The following POGK variants were observed in gnomAD, a reference collection of about 807,000 sequenced individuals.
POGK encodes pogo transposable element derived with KRAB domain.
A neutral mutation model predicts 54.4 loss-of-function variants in POGK; 16 were observed. The ratio of observed to expected loss-of-function variants is 0.29; its 90% CI spans 0.20 to 0.45. The LOEUF (loss-of-function observed/expected upper bound fraction) is 0.45, where lower values mean the gene tolerates loss of function less well. Ranked by LOEUF, POGK falls within the 20% of genes least tolerant of loss-of-function variation. The pLI is 1.00. For synonymous variants in POGK, 271 were observed against 302.2 expected (o/e 0.90, Z 1.07); for missense variants, 515 against 795.6 (o/e 0.65, Z 4.24).
chr1:166,854,771 A>C lies in POGK; in HGVS notation c.*2201A>C, dbSNP rs1244759337. On this transcript the variant is annotated 3_prime_UTR_variant, in exon 6 of 6. Transcript: ENST00000367876. Reference sequence around the variant, plus strand: ...AATCCCATAAAGGGATCTGAATTTTAAATGAAAGTATGATGAACCCGCAAG... The same window carrying C: ...AATCCCATAAAGGGATCTGAATTTTCAATGAAAGTATGATGAACCCGCAAG... 1 of 152,256 alleles carries C rather than the reference A, an allele frequency of 6.6e-6. No homozygotes were observed. Among genetic ancestry groups the C allele is most frequent in the African/African-American group, 2.4e-5 (1 of 41,464 alleles). The allele number at this position is 152,256 out of a possible 1,614,324, so 9.4% of individuals were successfully genotyped here. A position where few individuals can be genotyped will look rare whatever the true frequency, so the allele number is the denominator to read the frequency against.
Position 166,856,006 on chromosome 1 carries a change from TAAG to T in POGK, c.*3440_*3442del, listed in dbSNP as rs1658261013. 6.6e-6 allele frequency: 1 copy of T among 152,190 alleles called. No individual in the cohort carries two copies. The highest frequency in any genetic ancestry group is 2.1e-4 in the South Asian group (1 of 4,822). The allele number at this position is 152,190 out of a possible 1,614,324, so 9.4% of individuals were successfully genotyped here. ...TGAAACTAAGCTATTGATTTTTTTTTAAGAAGTCTTAATCTATACATAAGAAAT... is the reference window on the plus strand; with the variant it reads ...TGAAACTAAGCTATTGATTTTTTTTTAAGTCTTAATCTATACATAAGAAAT... On this transcript the variant is annotated 3_prime_UTR_variant, in exon 6 of 6. Transcript: ENST00000367876.
rs955342356 is a variant in POGK, at chr1:166,855,748, A to G, written c.*3178A>G. 1.3e-5 allele frequency: 2 copies of G among 152,242 alleles called. No homozygotes were observed. The highest frequency in any genetic ancestry group is 4.8e-5 in the African/African-American group (2 of 41,454). The allele number at this position is 152,242 out of a possible 1,614,324, so 9.4% of individuals were successfully genotyped here. ...CTCTGTGCTGTATGTACAGCCATAC[A>G]GCCTATGGAACCTGACATTGCAGTG... On this transcript the variant is annotated 3_prime_UTR_variant, in exon 6 of 6. Coordinates refer to ENST00000367876, the MANE Select transcript of POGK (RefSeq NM_017542.5).
chr1:166,842,357 T>A (rs1190878569), intron 2 of POGK, among the ~76,000 whole-genome samples: 1 of 152,190 alleles, frequency 6.6e-6, no homozygotes, highest in Non-Finnish European at 1.5e-5. Flanking sequence ...CAGCAGCTGG[T>A]GGTGCTGGGG....
intron 5 of POGK, chr1:166,850,961 C>A (rs41269684): frequency 0.039 from 5,982 of 152,390 alleles, 152 homozygotes; most frequent in African/African-American, 0.041. Flanking sequence ...GTCTATTTTG[C>A]TCTGTGGCTT....
chr1:166,853,522 G>A lies in POGK; in HGVS notation c.*952G>A, dbSNP rs1658156590. The A allele has an allele frequency of 6.6e-6, 1 of 152,592 alleles. No individual in the cohort carries two copies. The highest frequency in any genetic ancestry group is 1.5e-5 in the Non-Finnish European group (1 of 68,016). The allele number at this position is 152,592 out of a possible 1,614,324, so 9.5% of individuals were successfully genotyped here. On this transcript the variant is annotated 3_prime_UTR_variant, in exon 6 of 6. Transcript: ENST00000367876. ...AGGGCTTGGGCTTTTAGCCACAGCT[G>A]TTTTAAGACTTCTGATCTCCTGCCC...
At chr1:166,847,793 A>G (rs531908332) in intron 4 of POGK, among the ~76,000 whole-genome samples, 9 of 152,328 alleles carry the variant, frequency 5.9e-5, no homozygotes, top group African/African-American at 1.2e-4. Context: ...TTCTTCCTCT[A>G]TCAGCTCTGA....
At chr1:166,846,970 C>T (rs1657874692) in intron 3 of POGK, among the ~76,000 whole-genome samples, 1 of 152,208 alleles carries the variant, frequency 6.6e-6, no homozygotes, top group South Asian at 2.1e-4. Flanking sequence ...CAGGCATTCA[C>T]ATTTAAGGAT....
chr1:166,842,521 G>C (rs1469591609), intron 2 of POGK, among the ~76,000 whole-genome samples: 1 of 152,252 alleles, frequency 6.6e-6, no homozygotes, highest in Non-Finnish European at 1.5e-5. Context: ...ACAGTGTGCA[G>C]AGTGCAGTGG....
chr1:166,846,756 T>C lies in POGK; in HGVS notation c.259+18T>C, dbSNP rs1308931514. On this transcript the variant is annotated intron_variant, in intron 3 of 5. Coordinates refer to ENST00000367876, the MANE Select transcript of POGK (RefSeq NM_017542.5). ...GTCCCTGGGTAAAGCTGTGTTTTCC[T>C]TTGTCTCCTGGAAGCTCTGAGCCCA... is the stretch of plus-strand genomic sequence containing the variant. The C allele has an allele frequency of 1.9e-6, 3 of 1,613,674 alleles. No homozygotes were observed. In the South Asian group the frequency reaches 3.3e-5, roughly 18 times the overall value.
At chr1:166,840,919 AC>A (rs778993745) in intron 1 of POGK, 35 bp from the exon 2 acceptor site, 222 of 1,611,890 alleles carry the variant, frequency 1.4e-4, no homozygotes, top group Non-Finnish European at 1.8e-4. Context: ...GGTCACAGTG[AC>A]ACCTGGTTTT....
intron 5 of POGK, chr1:166,851,712 A>G (rs1469874347): frequency 6.6e-6 from 1 of 152,220 alleles, no homozygotes; most frequent in Non-Finnish European, 1.5e-5. Context: ...CATCTCCCTA[A>G]TTATAAATTA....
At chr1:166,848,467 C>T (rs1473475137) in intron 4 of POGK, among the ~76,000 whole-genome samples, 1 of 152,176 alleles carries the variant, frequency 6.6e-6, no homozygotes, top group Non-Finnish European at 1.5e-5. Context: ...GTGGTTTTTG[C>T]TGTAGGTTTT....
chr1:166,852,902 C>T lies in POGK; in HGVS notation c.*332C>T, dbSNP rs1345744660. On this transcript the variant is annotated 3_prime_UTR_variant, in exon 6 of 6. Transcript: ENST00000367876. ...AAAGAAACCTGTAAATATGAAAGAA[C>T]AAAGGTTATTTCCTGGAGAAAAGAC... 6.6e-6 allele frequency: 1 copy of T among 152,218 alleles called. No individual in the cohort carries two copies. The highest frequency in any genetic ancestry group is 1.5e-5 in the Non-Finnish European group (1 of 68,030). The allele number at this position is 152,218 out of a possible 1,614,324, so 9.4% of individuals were successfully genotyped here.
chr1:166,845,390 C>T (rs945632298), intron 2 of POGK, among the ~76,000 whole-genome samples: 28 of 151,690 alleles, frequency 1.8e-4, no homozygotes, highest in Admixed American at 3.9e-4. Flanking sequence ...CGTATCTACT[C>T]CTCCACAGGC....
chr1:166,840,680 C>G (rs768568349), intron 1 of POGK, among the ~76,000 whole-genome samples: 1 of 152,322 alleles, frequency 6.6e-6, no homozygotes, highest in East Asian at 1.9e-4. Flanking sequence ...TCTGTTCTGC[C>G]GTCCAGTCTC....
rs977303209 is a variant in POGK, at chr1:166,847,522, C to A, written c.288C>A (p.Ile96=). Residue 96 remains isoleucine (I), a synonymous_variant, in exon 4 of 6, where the codon ATC becomes ATA. Transcript: ENST00000367876. ...TCCCATTCCCTAAGCCAGACATGAT[C>A]ACCCGTTTGGAAGGGGAGGAGGAGT... ...LEFPFPKPDM[I]TRLEGEEESQ... 3.7e-6 allele frequency: 6 copies of A among 1,613,988 alleles called. No homozygotes were observed. The highest frequency in any genetic ancestry group is 5.1e-6 in the Non-Finnish European group (6 of 1,179,906).
intron 2 of POGK, among the ~76,000 whole-genome samples, chr1:166,843,980 G>A (rs1289955276): frequency 3.3e-5 from 5 of 152,210 alleles, no homozygotes; most frequent in Non-Finnish European, 7.3e-5. Flanking sequence ...GCTATGTTGA[G>A]CCAGATAAAA....
intron 5 of POGK, chr1:166,851,696 C>T (rs1392855375): frequency 2.0e-5 from 3 of 152,212 alleles, no homozygotes; most frequent in Non-Finnish European, 4.4e-5. Flanking sequence ...TTTACCTGTT[C>T]GTTCTCATCT....
At position 166,846,730 on chromosome 1, in the gene POGK, T is replaced by G; in HGVS notation, c.251T>G (p.Leu84Arg). The change falls in exon 3 of 6, where the codon CTG becomes CGG. Residue 84 changes from leucine to arginine, a missense_variant. Leu to Arg is a moderately radical substitution (Grantham distance 102). Transcript: ENST00000367876. ...ATGAGGATGAATTATGAAACTGTCC[T>G]GTCCCTGGGTAAAGCTGTGTTTTCC... ...EVMRMNYETV[L>R]SLEFPFPKPD... The G allele has an allele frequency of 6.2e-7, 1 of 1,614,194 alleles. No individual in the cohort carries two copies. Among genetic ancestry groups the G allele is most frequent in the Non-Finnish European group, 8.5e-7 (1 of 1,180,024 alleles).
Sources: gnomAD v4.1 joint callset for allele counts (sites outside exome capture counted in the v4.1 genomes callset) on GRCh38, gnomAD v4.1.1 for gene constraint, MANE v1.5 for transcripts, NCBI Gene and HGNC (gene_info 2026-07-23, HGNC 2026-07-21) for gene names.